PPP3CC: variants seen among roughly 807,000 people sequenced by gnomAD.
PPP3CC encodes serine/threonine-protein phosphatase 2B catalytic subunit gamma isoform.
PPP3CC carries 35 observed loss-of-function variants against 60.3 expected under a neutral mutation model. The observed-to-expected ratio is 0.58, with a 90% CI of 0.44 to 0.77. The LOEUF (loss-of-function observed/expected upper bound fraction) is 0.77. Ranked by LOEUF, PPP3CC falls within the 30% of genes least tolerant of loss-of-function variation. The pLI, the probability that PPP3CC is intolerant of heterozygous loss-of-function variation, is 0.00. For missense variants in PPP3CC, 570 were observed against 628.9 expected (o/e 0.91, Z 1.00); for synonymous variants, 206 against 224.3 (o/e 0.92, Z 0.73).
At chr8:22,444,991 T>C (rs964000730) in intron 1 of PPP3CC, among the ~76,000 whole-genome samples, 1 of 152,248 alleles carries the variant, frequency 6.6e-6, no homozygotes, top group African/African-American at 2.4e-5. Flanking sequence ...AGGAATTACA[T>C]GACAAATATA....
chr8:22,450,805 TTA>T (rs1836994009), intron 1 of PPP3CC, among the ~76,000 whole-genome samples: 1 of 89,362 alleles, frequency 1.1e-5, no homozygotes, highest in Non-Finnish European at 2.3e-5. Context: ...TTATTTTTAT[TTA>T]TTTATTTATT....
chr8:22,488,817 A>G (rs970880691), intron 3 of PPP3CC, among the ~76,000 whole-genome samples: 8 of 152,214 alleles, frequency 5.3e-5, no homozygotes, highest in African/African-American at 7.2e-5. Flanking sequence ...CAGGGGAACT[A>G]CATTCCAGGC....
chr8:22,472,469 T>C (rs1200605442), intron 1 of PPP3CC, among the ~76,000 whole-genome samples: 2 of 150,624 alleles, frequency 1.3e-5, no homozygotes, highest in Non-Finnish European at 2.9e-5. Flanking sequence ...CCTACATCTT[T>C]ATCCACTGGC....
At chr8:22,531,716 T>C (rs1416173708) in intron 10 of PPP3CC, among the ~76,000 whole-genome samples, 1 of 152,258 alleles carries the variant, frequency 6.6e-6, no homozygotes, top group Non-Finnish European at 1.5e-5. Context: ...CTCACTAATA[T>C]AAGTGAAGCT....
chr8:22,517,163 C>T (rs1839268003), intron 6 of PPP3CC, among the ~76,000 whole-genome samples: 1 of 152,188 alleles, frequency 6.6e-6, no homozygotes, highest in Non-Finnish European at 1.5e-5. Flanking sequence ...ACACATGTTC[C>T]CAGCTGAGGC....
intron 3 of PPP3CC, among the ~76,000 whole-genome samples, chr8:22,493,675 G>A (rs1477706064): frequency 1.3e-5 from 2 of 152,126 alleles, no homozygotes; most frequent in African/African-American, 2.4e-5. Flanking sequence ...CCCACTGGAA[G>A]GCCTTCAGGG....
rs1478044735 is a variant in PPP3CC at position 22,500,128 on chromosome 8, CT to C, written c.484+2020del. Among the ~76,000 whole-genome samples, 13 of 152,124 alleles carry C rather than the reference CT, an allele frequency of 8.5e-5. 1 individual carries two copies. Among genetic ancestry groups the C allele is most frequent in the Non-Finnish European group, 1.5e-5 (1 of 68,018 alleles). On this transcript the variant is annotated intron_variant, in intron 4 of 13. Transcript: ENST00000240139. The stretch of plus-strand genomic sequence containing the variant: ...TTAGGGGGCAGGCACATTTTAAAGA[CT>C]TTTGGCATACTCTAAAGTAGTCTTC...
intron 3 of PPP3CC, among the ~76,000 whole-genome samples, chr8:22,487,457 C>T (rs1838258389): frequency 6.6e-6 from 1 of 151,962 alleles, no homozygotes; most frequent in African/African-American, 2.4e-5. Flanking sequence ...AACCCTGTCT[C>T]TACTAAAAAT....
chr8:22,483,355 C>T (rs1409845703), intron 3 of PPP3CC, among the ~76,000 whole-genome samples: 4 of 151,912 alleles, frequency 2.6e-5, no homozygotes, highest in African/African-American at 7.3e-5. Context: ...GGCGCAATCT[C>T]GACTCACTGC....
In PPP3CC at chr8:22,446,012, C is replaced by T. The variant is rs554811643; in HGVS notation, c.49+4554C>T. ...TATACGTTATTGGTTGTGATCAAAG[C>T]TTTATTTATGGTCTGACATTTGATA... On this transcript the variant is annotated intron_variant, in intron 1 of 13. Coordinates refer to ENST00000240139, the MANE Select transcript of PPP3CC (RefSeq NM_005605.5). Among the ~76,000 whole-genome samples, 7 of 152,218 alleles carry T rather than the reference C, an allele frequency of 4.6e-5. No homozygotes were observed. In the South Asian group the frequency reaches 1.2e-3, roughly 27 times the overall value.
At chr8:22,493,590 T>C (rs935442976) in intron 3 of PPP3CC, among the ~76,000 whole-genome samples, 2 of 152,052 alleles carry the variant, frequency 1.3e-5, no homozygotes, top group African/African-American at 4.8e-5. Flanking sequence ...CACACACACA[T>C]GCACGTGCGC....
intron 1 of PPP3CC, among the ~76,000 whole-genome samples, chr8:22,445,155 A>G (rs1836785345): frequency 6.6e-6 from 1 of 152,190 alleles, no homozygotes; most frequent in Non-Finnish European, 1.5e-5. Context: ...TTTTTACCAC[A>G]CATGGCAGGC....
At chr8:22,511,584 C>G (rs535272481) in intron 5 of PPP3CC, among the ~76,000 whole-genome samples, 1 of 152,198 alleles carries the variant, frequency 6.6e-6, no homozygotes, top group South Asian at 2.1e-4. Context: ...AAATTTGTTT[C>G]TTATTGCAGT....
At position 22,498,990 on chromosome 8, in the gene PPP3CC, C is replaced by T. The variant is rs147810286; in HGVS notation, c.484+878C>T. Among the ~76,000 whole-genome samples the T allele has an allele frequency of 3.2e-3, 489 of 151,586 alleles. 3 individuals are homozygous for T. The highest frequency in any genetic ancestry group is 0.011 in the African/African-American group (463 of 41,316). On this transcript the variant is annotated intron_variant, in intron 4 of 13. Coordinates refer to ENST00000240139, the MANE Select transcript of PPP3CC (RefSeq NM_005605.5). ...AATACAAAAATTAGCCGGGTGTGGT[C>T]GTGCGTGCCTGTAATCCCAGCTACT... is the stretch of plus-strand genomic sequence containing the variant.
chr8:22,472,494 A>G lies in PPP3CC; in HGVS notation c.50-2460A>G, dbSNP rs1393738870. ...TATCCACTGGCACACCTTCAGGAGCAGTAACAGGCATGGAGCTGTTATCTC... is the reference window on the plus strand; with the variant it reads ...TATCCACTGGCACACCTTCAGGAGCGGTAACAGGCATGGAGCTGTTATCTC... On this transcript the variant is annotated intron_variant, in intron 1 of 13. Transcript: ENST00000240139. Among the ~76,000 whole-genome samples the G allele has an allele frequency of 4.6e-5, 7 of 151,918 alleles. No individual in the cohort carries two copies. In the East Asian group the frequency reaches 1.4e-3, roughly 29 times the overall value.
intron 3 of PPP3CC, among the ~76,000 whole-genome samples, chr8:22,485,431 C>G (rs1420631758): frequency 1.3e-5 from 2 of 152,140 alleles, no homozygotes; most frequent in Non-Finnish European, 2.9e-5. Flanking sequence ...ATCCCTCAGC[C>G]AGATCAGACG....
intron 4 of PPP3CC, among the ~76,000 whole-genome samples, chr8:22,504,824 T>TG (rs1433520781): frequency 6.6e-6 from 1 of 150,392 alleles, no homozygotes; most frequent in Non-Finnish European, 1.5e-5. Flanking sequence ...AAGTGGTCCC[T>TG]ACACCTCAGC....
In PPP3CC at chr8:22,522,759, T is replaced by G; in HGVS notation, c.943+10T>G. 6.5e-7 allele frequency: 1 copy of G among 1,531,804 alleles called. No individual in the cohort carries two copies. The highest frequency in any genetic ancestry group is 9.0e-7 in the Non-Finnish European group (1 of 1,106,590). The allele number at this position is 1,531,804 out of a possible 1,614,324, so 94.9% of individuals were successfully genotyped here. A position where few individuals can be genotyped will look rare whatever the true frequency, so the allele number is the denominator to read the frequency against. ...GTCTATAACAATAAAGGTAAAGGAA[T>G]CCAGCAATATTTGAGTTTGAATTTA... On this transcript the variant is annotated intron_variant, in intron 8 of 13. Transcript: ENST00000240139.
intron 4 of PPP3CC, among the ~76,000 whole-genome samples, chr8:22,506,958 A>T (rs1239162292): frequency 2.7e-5 from 4 of 150,098 alleles, no homozygotes; most frequent in Non-Finnish European, 4.4e-5. Flanking sequence ...TAAATTAAAT[A>T]AATAAAAAAT....
Sources: allele counts gnomAD v4.1 joint callset (sites outside exome capture counted in the v4.1 genomes callset), GRCh38; gene constraint gnomAD v4.1.1; transcripts MANE v1.5; gene names NCBI Gene and HGNC (gene_info 2026-07-23, HGNC 2026-07-21).